Variants in ATXN1 observed in about 807,000 individuals in gnomAD.
ATXN1 encodes ataxin 1.
Under a neutral mutation model 56.4 loss-of-function variants are expected in ATXN1, and 8 were observed. The observed-to-expected ratio is 0.14, with a 90% CI of 0.08 to 0.26. ATXN1 has a LOEUF of 0.26. Ranked by LOEUF, ATXN1 falls within the 10% of genes least tolerant of loss-of-function variation. The pLI is 1.00. For synonymous variants in ATXN1, 514 were observed against 494.6 expected (o/e 1.04, Z -0.52); for missense variants, 987 against 1,106.5 (o/e 0.89, Z 1.53).
chr6:16,413,943 A>G (rs1038353590), intron 6 of ATXN1, among the ~76,000 whole-genome samples: 2 of 152,240 alleles, frequency 1.3e-5, no homozygotes, highest in African/African-American at 4.8e-5. Context: ...AAACATTCTC[A>G]AAGCTGGAAA....
chr6:16,377,349 A>G (rs1762160332), intron 6 of ATXN1, among the ~76,000 whole-genome samples: 1 of 152,240 alleles, frequency 6.6e-6, no homozygotes, highest in Non-Finnish European at 1.5e-5. Flanking sequence ...TGAATGTGGC[A>G]CACTCTTGTT....
intron 5 of ATXN1, among the ~76,000 whole-genome samples, chr6:16,497,914 G>C (rs1055170903): frequency 6.6e-6 from 1 of 152,158 alleles, no homozygotes; most frequent in Non-Finnish European, 1.5e-5. Flanking sequence ...ATCACAAAGG[G>C]TAAAATGACT....
At chr6:16,373,649 T>A (rs758810575) in intron 6 of ATXN1, among the ~76,000 whole-genome samples, 6 of 152,232 alleles carry the variant, frequency 3.9e-5, no homozygotes, top group Admixed American at 3.3e-4. Flanking sequence ...CTCGTGGTAG[T>A]GAATAAGTCT....
chr6:16,597,265 A>C (rs1762832256), intron 3 of ATXN1, among the ~76,000 whole-genome samples: 1 of 152,216 alleles, frequency 6.6e-6, no homozygotes, highest in Non-Finnish European at 1.5e-5. Context: ...GGGGTATAAG[A>C]CATAGGTACA....
At chr6:16,364,844 A>T (rs1190387061) in intron 6 of ATXN1, among the ~76,000 whole-genome samples, 1 of 152,190 alleles carries the variant, frequency 6.6e-6, no homozygotes, top group Non-Finnish European at 1.5e-5. Context: ...TGGTGGTGGG[A>T]TATGAAGTAA....
intron 2 of ATXN1, among the ~76,000 whole-genome samples, chr6:16,717,396 T>G (rs574870819): frequency 6.6e-6 from 1 of 152,352 alleles, no homozygotes; most frequent in African/African-American, 2.4e-5. Flanking sequence ...TTGGTGCCAC[T>G]TAACAGTCAA....
chr6:16,313,486 A>C (rs1760445154), intron 7 of ATXN1, among the ~76,000 whole-genome samples: 1 of 152,184 alleles, frequency 6.6e-6, no homozygotes, highest in Non-Finnish European at 1.5e-5. Context: ...CCTGCCGAAA[A>C]ATTCACGAGA....
chr6:16,347,757 C>G (rs915538516), intron 6 of ATXN1, among the ~76,000 whole-genome samples: 1 of 152,198 alleles, frequency 6.6e-6, no homozygotes, highest in Non-Finnish European at 1.5e-5. Flanking sequence ...GACCACTGGG[C>G]TCTCTGTAAA....
chr6:16,530,958 C>T (rs1190044365), intron 4 of ATXN1, among the ~76,000 whole-genome samples: 1 of 152,202 alleles, frequency 6.6e-6, no homozygotes, highest in African/African-American at 2.4e-5. Context: ...CATATAAACT[C>T]TTCAAAGACA....
At chr6:16,716,394 C>A (rs1309701051) in intron 2 of ATXN1, among the ~76,000 whole-genome samples, 1 of 152,168 alleles carries the variant, frequency 6.6e-6, no homozygotes, top group African/African-American at 2.4e-5. Flanking sequence ...ATCTGTAAAC[C>A]AGAAAACTCA....
chr6:16,470,751 G>C (rs1760200884), intron 6 of ATXN1, among the ~76,000 whole-genome samples: 1 of 152,132 alleles, frequency 6.6e-6, no homozygotes, highest in Non-Finnish European at 1.5e-5. Context: ...TCAGCACTTT[G>C]GGAGGTCAAG....
chr6:16,478,179 T>C (rs1487797083), intron 6 of ATXN1, among the ~76,000 whole-genome samples: 1 of 152,182 alleles, frequency 6.6e-6, no homozygotes, highest in Non-Finnish European at 1.5e-5. Flanking sequence ...CGAGTAACAC[T>C]ACCCAGTGGG....
rs947380629 is a variant in ATXN1, at chr6:16,327,364, T to C, written c.947A>G (p.Gln316Arg). ...TKKAESSRLQ[Q>R]AIQAKEVLNG... ...CAGGACCTCCTTGGCCTGGATGGCCTGCTGCAGCCGGCTGCTCTCAGCTTT... is the reference window on the plus strand; with the variant it reads ...CAGGACCTCCTTGGCCTGGATGGCCCGCTGCAGCCGGCTGCTCTCAGCTTT... The change falls in exon 7 of 8, where the codon CAG becomes CGG. Residue 316 changes from glutamine (Q) to arginine (R), a missense_variant. By Grantham distance (43) the Gln-to-Arg change is conservative. Around this residue, in one of 3 missense-constraint regions of ATXN1, gnomAD observed 723 missense variants for 791.7 expected, o/e 0.91. Coordinates refer to ENST00000436367, the MANE Select transcript of ATXN1 (RefSeq NM_001128164.2). The C allele has an allele frequency of 6.2e-7, 1 of 1,613,512 alleles. No individual in the cohort carries two copies. The highest frequency in any genetic ancestry group is 8.5e-7 in the Non-Finnish European group (1 of 1,179,962).
At chr6:16,311,480 C>T (rs189660441) in intron 7 of ATXN1, among the ~76,000 whole-genome samples, 1 of 152,352 alleles carries the variant, frequency 6.6e-6, no homozygotes, top group African/African-American at 2.4e-5. Flanking sequence ...AGCTCATGGG[C>T]TTGTTCCATG....
chr6:16,489,650 G>C (rs1760619943), intron 5 of ATXN1, among the ~76,000 whole-genome samples: 1 of 152,104 alleles, frequency 6.6e-6, no homozygotes, highest in Non-Finnish European at 1.5e-5. Flanking sequence ...ACTTGAAGCA[G>C]CATCAGAAAT....
chr6:16,316,705 C>T (rs1177233857), intron 7 of ATXN1, among the ~76,000 whole-genome samples: 1 of 151,860 alleles, frequency 6.6e-6, no homozygotes, highest in South Asian at 2.1e-4. Flanking sequence ...CAAGATCACG[C>T]CATTGCACCC....
At chr6:16,677,873 C>G (rs1758720516) in intron 2 of ATXN1, among the ~76,000 whole-genome samples, 1 of 152,172 alleles carries the variant, frequency 6.6e-6, no homozygotes, top group South Asian at 2.1e-4. Context: ...TCTATATTTA[C>G]AGTGCACTTG....
rs1310389974 is a variant in ATXN1, at chr6:16,301,057, A to G, written c.*5272T>C. On this transcript the variant is annotated 3_prime_UTR_variant, in exon 8 of 8. Coordinates refer to ENST00000436367, the MANE Select transcript of ATXN1 (RefSeq NM_001128164.2). ...GACATGACAAATTTCTATATACAAAAAAACATGTAACTTTCAACCCTTCTC... is the reference window on the plus strand; with the variant it reads ...GACATGACAAATTTCTATATACAAAGAAACATGTAACTTTCAACCCTTCTC... 1 of 151,948 alleles carries G rather than the reference A, an allele frequency of 6.6e-6. No homozygotes were observed. The highest frequency in any genetic ancestry group is 1.5e-5 in the Non-Finnish European group (1 of 68,006). 9.4% of individuals were successfully genotyped at this position (151,948 alleles called of 1,614,324 possible). A position where few individuals can be genotyped will look rare whatever the true frequency, so the allele number is the denominator to read the frequency against.
chr6:16,584,293 C>T (rs1256641398), intron 4 of ATXN1, among the ~76,000 whole-genome samples: 3 of 146,602 alleles, frequency 2.0e-5, no homozygotes, highest in African/African-American at 4.9e-5. Context: ...TATATATATA[C>T]ACACACACAT....
Sources: allele counts gnomAD v4.1 joint callset (sites outside exome capture counted in the v4.1 genomes callset), GRCh38; gene constraint gnomAD v4.1.1; regional missense constraint gnomAD v4.1.1; transcripts MANE v1.5; gene names NCBI Gene and HGNC (gene_info 2026-07-23, HGNC 2026-07-21).